Variants in DOK6 observed in about 807,000 individuals in gnomAD.
The protein encoded by DOK6 is docking protein 6, also known as downstream of tyrosine kinase 6.
A neutral mutation model predicts 44.0 loss-of-function variants in DOK6; 22 were observed. The observed-to-expected ratio is 0.50, with a 90% confidence interval of 0.36 to 0.71. The LOEUF is 0.71. DOK6 is among the 30% of genes least tolerant of loss of function. DOK6 has a pLI of 0.00. For synonymous variants in DOK6, 166 were observed against 145.5 expected (o/e 1.14, Z -1.01); for missense variants, 340 against 416.4 (o/e 0.82, Z 1.60).
chr18:69,489,798 T>C (rs1980684136), intron 1 of DOK6, among the ~76,000 whole-genome samples: 1 of 152,164 alleles, frequency 6.6e-6, no homozygotes, highest in Non-Finnish European at 1.5e-5. Context: ...TTTTATTAGC[T>C]GACACAAGTT....
intron 1 of DOK6, among the ~76,000 whole-genome samples, chr18:69,444,239 C>A (rs527485158): frequency 1.1e-3 from 163 of 152,228 alleles, no homozygotes; most frequent in African/African-American, 3.7e-3. Context: ...GAGCACGGCA[C>A]TCATCATTGC....
intron 7 of DOK6, among the ~76,000 whole-genome samples, chr18:69,765,670 C>T (rs2144761602): frequency 6.6e-6 from 1 of 152,212 alleles, no homozygotes; most frequent in East Asian, 1.9e-4. Context: ...AATTTTGGGG[C>T]TCAATTATCT....
chr18:69,601,606 G>A (rs368660698), intron 3 of DOK6, among the ~76,000 whole-genome samples: 4 of 152,154 alleles, frequency 2.6e-5, no homozygotes, highest in African/African-American at 7.2e-5. Context: ...GCACCTTATC[G>A]TTACACAAGG....
chr18:69,405,431 T>G (rs1053489482), intron 1 of DOK6, among the ~76,000 whole-genome samples: 1 of 152,034 alleles, frequency 6.6e-6, no homozygotes, highest in Non-Finnish European at 1.5e-5. Flanking sequence ...TTACAGAAAG[T>G]CAGCGGGGTC....
At chr18:69,434,210 T>C (rs1346336605) in intron 1 of DOK6, among the ~76,000 whole-genome samples, 1 of 152,196 alleles carries the variant, frequency 6.6e-6, no homozygotes, top group Non-Finnish European at 1.5e-5. Flanking sequence ...GTTTTCAATT[T>C]CTCTACCATT....
chr18:69,700,409 C>A (rs1390100468), intron 5 of DOK6, among the ~76,000 whole-genome samples: 1 of 151,942 alleles, frequency 6.6e-6, no homozygotes, highest in African/African-American at 2.4e-5. Context: ...TTTCAATAGA[C>A]TTCCACTCAA....
At chr18:69,775,823 G>A (rs1227753777) in intron 7 of DOK6, among the ~76,000 whole-genome samples, 1 of 151,924 alleles carries the variant, frequency 6.6e-6, no homozygotes, top group Non-Finnish European at 1.5e-5. Context: ...ATACAGGAAT[G>A]TTGAAAGTAA....
At chr18:69,486,571 T>C (rs1980582656) in intron 1 of DOK6, among the ~76,000 whole-genome samples, 1 of 152,204 alleles carries the variant, frequency 6.6e-6, no homozygotes, top group Non-Finnish European at 1.5e-5. Context: ...AAACTTGAAA[T>C]TTAGTGCTTT....
chr18:69,797,648 C>T (rs1476495312), intron 7 of DOK6, among the ~76,000 whole-genome samples: 1 of 152,028 alleles, frequency 6.6e-6, no homozygotes, highest in Non-Finnish European at 1.5e-5. Flanking sequence ...TTTGAATTGC[C>T]ATAACATTTT....
In DOK6 at chr18:69,516,873, C is replaced by T. The variant is rs1302091990; in HGVS notation, c.67-47614C>T. Among the ~76,000 whole-genome samples, 14 of 150,482 alleles carry T rather than the reference C, an allele frequency of 9.3e-5. No individual in the cohort carries two copies. The East Asian group carries it at 2.0e-3, about 21-fold the overall frequency. On this transcript the variant is annotated intron_variant, in intron 1 of 7. Transcript: ENST00000382713. ...TTTTTTTTTTTCTAGTGAAGACGACCGTTTCACCATATTTGCCAGGCTAGT... is the reference window on the plus strand; with the variant it reads ...TTTTTTTTTTTCTAGTGAAGACGACTGTTTCACCATATTTGCCAGGCTAGT...
At chr18:69,677,272 T>C (rs1985943133) in intron 3 of DOK6, among the ~76,000 whole-genome samples, 1 of 151,502 alleles carries the variant, frequency 6.6e-6, no homozygotes, top group African/African-American at 2.4e-5. Flanking sequence ...TATTTTATAT[T>C]TACTTAATTT....
chr18:69,406,303 G>T (rs1916205744), intron 1 of DOK6, among the ~76,000 whole-genome samples: 1 of 152,020 alleles, frequency 6.6e-6, no homozygotes, highest in African/African-American at 2.4e-5. Context: ...ATCTCTATTG[G>T]CAATTTTTTT....
intron 7 of DOK6, among the ~76,000 whole-genome samples, chr18:69,823,625 T>G (rs200104977): frequency 1.5e-4 from 22 of 146,760 alleles, no homozygotes; most frequent in African/African-American, 3.0e-4. Context: ...GTGTGTGTGT[T>G]TGTGTGTGTG....
chr18:69,716,549 G>A lies in DOK6; in HGVS notation c.599+17956G>A, dbSNP rs58891736. Among the ~76,000 whole-genome samples, 742 of 152,000 alleles carry A rather than the reference G, an allele frequency of 4.9e-3. 4 individuals are homozygous for A. The highest frequency in any genetic ancestry group is 0.016 in the African/African-American group (677 of 41,466). On this transcript the variant is annotated intron_variant, in intron 5 of 7. Coordinates refer to ENST00000382713, the MANE Select transcript of DOK6 (RefSeq NM_152721.6). ...GTACAGGTTCTCTTAATTCTATACCGTGTACACACTGCTTTTCCTGTGCTA... is the reference window on the plus strand; with the variant it reads ...GTACAGGTTCTCTTAATTCTATACCATGTACACACTGCTTTTCCTGTGCTA...
intron 1 of DOK6, among the ~76,000 whole-genome samples, chr18:69,458,218 T>G (rs143246987): frequency 0.074 from 11,201 of 152,250 alleles, 523 homozygotes; most frequent in Non-Finnish European, 0.1. Context: ...TAGGCTTTAT[T>G]CCTGGGATGC....
At chr18:69,650,199 A>G (rs1985186518) in intron 3 of DOK6, among the ~76,000 whole-genome samples, 1 of 150,898 alleles carries the variant, frequency 6.6e-6, no homozygotes, top group African/African-American at 2.4e-5. Context: ...ATCATCTTTA[A>G]AAAAAAACGT....
At chr18:69,676,449 G>C (rs190608352) in intron 3 of DOK6, among the ~76,000 whole-genome samples, 1 of 152,094 alleles carries the variant, frequency 6.6e-6, no homozygotes, top group Non-Finnish European at 1.5e-5. Flanking sequence ...TTGGTATTTA[G>C]ATCCCAAAAG....
chr18:69,530,649 G>T (rs184827696), intron 1 of DOK6, among the ~76,000 whole-genome samples: 1 of 152,208 alleles, frequency 6.6e-6, no homozygotes, highest in African/African-American at 2.4e-5. Context: ...ACTTTCAGAA[G>T]TTTTTACATT....
chr18:69,790,853 G>T (rs1284812390), intron 7 of DOK6, among the ~76,000 whole-genome samples: 2 of 151,802 alleles, frequency 1.3e-5, no homozygotes, highest in Non-Finnish European at 2.9e-5. Context: ...TGGCCATCCT[G>T]TTGTGCTATC....
Sources: gnomAD v4.1 joint callset for allele counts (sites outside exome capture counted in the v4.1 genomes callset) on GRCh38, gnomAD v4.1.1 for gene constraint, MANE v1.5 for transcripts, NCBI Gene and HGNC (gene_info 2026-07-23, HGNC 2026-07-21) for gene names.